PTPRN2: variants seen among roughly 807,000 people sequenced by gnomAD.
PTPRN2 encodes the protein receptor-type tyrosine-protein phosphatase N2.
A neutral mutation model predicts 118.8 loss-of-function variants in PTPRN2; 74 were observed. That is an observed-to-expected ratio of 0.62 (90% confidence interval 0.52 to 0.76). The LOEUF is 0.76. PTPRN2 is among the 30% of genes least tolerant of loss of function. PTPRN2 has a pLI of 0.00. For synonymous variants in PTPRN2, 641 were observed against 608.0 expected, an observed-to-expected ratio of 1.05 and a Z score of -0.80; for missense variants, 1,481 against 1,394.4, an observed-to-expected ratio of 1.06 and a Z score of -0.99.
chr7:158,120,159 A>G (rs1169784550), intron 9 of PTPRN2, among the ~76,000 whole-genome samples: 4 of 152,178 alleles, frequency 2.6e-5, no homozygotes, highest in Non-Finnish European at 5.9e-5. Flanking sequence ...AAATTCAGAG[A>G]GACACAGAGT....
At position 158,081,291 on chromosome 7, in the gene PTPRN2, G is replaced by GCCTCACCTGTGGCCTTCTCCACAT. The variant is rs777798882; in HGVS notation, c.1706_1723+6dup. On this transcript the variant is annotated splice_region_variant and intron_variant, in intron 11 of 22. Transcript: ENST00000389418. ...GTGCGTGTACGTGTGTGTGGAAACAGCCTCACCTGTGGCCTTCTCCACATC... is the reference window on the plus strand; with the variant it reads ...GTGCGTGTACGTGTGTGTGGAAACAGCCTCACCTGTGGCCTTCTCCACATCCTCACCTGTGGCCTTCTCCACATC... 2.3e-5 allele frequency: 37 copies of GCCTCACCTGTGGCCTTCTCCACAT among 1,612,658 alleles called. No individual in the cohort carries two copies. The highest frequency in any genetic ancestry group is 3.4e-6 in the Non-Finnish European group (4 of 1,178,866).
rs1213755416 is a variant in PTPRN2 at position 157,778,848 on chromosome 7, A to G, written c.1789-95911T>C. Among the ~76,000 whole-genome samples, 7 of 152,354 alleles carry G rather than the reference A, an allele frequency of 4.6e-5. No homozygotes were observed. The South Asian group carries it at 6.2e-4, about 14-fold the overall frequency. ...CCCACATAAACATGTCCACGTGAAT[A>G]CAGGCGCTGAATGCCCACATATGCA... On this transcript the variant is annotated intron_variant, in intron 12 of 22. Coordinates refer to ENST00000389418, the MANE Select transcript of PTPRN2 (RefSeq NM_002847.5).
At chr7:157,782,707 T>A (rs1803757471) in intron 12 of PTPRN2, among the ~76,000 whole-genome samples, 1 of 152,228 alleles carries the variant, frequency 6.6e-6, no homozygotes, top group African/African-American at 2.4e-5. Context: ...CAAGAGATGA[T>A]CACACAGCAT....
At chr7:157,689,236 G>A (rs1231546903) in intron 12 of PTPRN2, among the ~76,000 whole-genome samples, 2 of 152,222 alleles carry the variant, frequency 1.3e-5, no homozygotes, top group Non-Finnish European at 2.9e-5. Context: ...TTGTTCGATC[G>A]CGTCCTAAAA....
Position 158,563,209 on chromosome 7 carries a change from T to G in PTPRN2, c.112+24349A>C, listed in dbSNP as rs937085035. 6.6e-6 allele frequency among the ~76,000 whole-genome samples: 1 copy of G among 152,058 alleles called. No homozygotes were observed. The highest frequency in any genetic ancestry group is 2.4e-5 in the African/African-American group (1 of 41,398). ...CCTTCTCCCAAGGCAGGACCACAAG[T>G]TTGCAGCTCGAGACCTTGTCCAGGG... On this transcript the variant is annotated intron_variant, in intron 1 of 22. Transcript: ENST00000389418. This position sits in a 1 kb window ranked among gnomAD's most constrained non-coding sequence, Gnocchi z 5.1.
At chr7:158,458,752 C>A (rs566196246) in intron 2 of PTPRN2, among the ~76,000 whole-genome samples, 15 of 152,334 alleles carry the variant, frequency 9.8e-5, no homozygotes, top group South Asian at 2.1e-4. Context: ...TAACACCAGG[C>A]TGGGCGGGCT....
At chr7:157,814,473 G>A (rs1806262286) in intron 12 of PTPRN2, among the ~76,000 whole-genome samples, 1 of 150,466 alleles carries the variant, frequency 6.6e-6, no homozygotes, top group African/African-American at 2.5e-5. Flanking sequence ...GACAGGAGGG[G>A]GCAGGACAGG....
chr7:158,045,369 C>T (rs944540373), intron 11 of PTPRN2, among the ~76,000 whole-genome samples: 1 of 152,160 alleles, frequency 6.6e-6, no homozygotes, highest in Non-Finnish European at 1.5e-5. Context: ...TCTAATTTTT[C>T]ACTTCTCCAT....
At chr7:157,553,071 T>C (rs74657811) in intron 21 of PTPRN2, among the ~76,000 whole-genome samples, 3,766 of 152,312 alleles carry the variant, frequency 0.025, 106 homozygotes, top group East Asian at 0.14. Context: ...CTCAGCTTTC[T>C]GTCTCAGGAG....
chr7:158,342,915 C>G (rs111635810), intron 2 of PTPRN2, among the ~76,000 whole-genome samples: 2 of 152,178 alleles, frequency 1.3e-5, no homozygotes, highest in South Asian at 4.2e-4. Flanking sequence ...GCTTCAAAAG[C>G]GAAGGAGAAC....
chr7:157,580,164 T>G (rs1800269456), intron 17 of PTPRN2, among the ~76,000 whole-genome samples: 1 of 152,168 alleles, frequency 6.6e-6, no homozygotes, highest in Non-Finnish European at 1.5e-5. Flanking sequence ...CTGGCACCTG[T>G]GAATGTGACC....
At chr7:158,167,403 C>G (rs558597134) in intron 5 of PTPRN2, 112 bp from the exon 6 acceptor site, 28 of 1,349,288 alleles carry the variant, frequency 2.1e-5, no homozygotes, top group Non-Finnish European at 2.8e-5. Context: ...CCTGGGGGTA[C>G]AAAGATGCCC....
chr7:158,325,587 A>G (rs1803435633), intron 2 of PTPRN2, among the ~76,000 whole-genome samples: 1 of 152,250 alleles, frequency 6.6e-6, no homozygotes, highest in African/African-American at 2.4e-5. Context: ...AGCTGCCTGG[A>G]AACTATCAGA....
intron 9 of PTPRN2, among the ~76,000 whole-genome samples, chr7:158,127,274 G>A (rs182786771): frequency 2.7e-4 from 41 of 151,120 alleles, no homozygotes; most frequent in African/African-American, 7.4e-4. Context: ...CTGCTCATCC[G>A]TGCACCTGTG....
At chr7:158,245,676 T>C (rs1295124416) in intron 3 of PTPRN2, among the ~76,000 whole-genome samples, 1 of 152,106 alleles carries the variant, frequency 6.6e-6, no homozygotes, top group Non-Finnish European at 1.5e-5. Context: ...TTCGCATGGA[T>C]GGGAGCTGCC....
At chr7:157,988,935 T>C (rs547515472) in intron 11 of PTPRN2, among the ~76,000 whole-genome samples, 1 of 152,330 alleles carries the variant, frequency 6.6e-6, no homozygotes, top group Admixed American at 6.5e-5. Flanking sequence ...ACCCTCTGTG[T>C]CCTCATATGC....
intron 2 of PTPRN2, among the ~76,000 whole-genome samples, chr7:158,404,147 C>T (rs936579217): frequency 1.3e-5 from 2 of 152,172 alleles, no homozygotes; most frequent in Non-Finnish European, 2.9e-5. Context: ...TTACAAACAT[C>T]GCTTAATCAG....
intron 9 of PTPRN2, among the ~76,000 whole-genome samples, chr7:158,131,156 C>A (rs200196834): frequency 1.9e-5 from 1 of 51,812 alleles, no homozygotes; most frequent in African/African-American, 1.5e-4. Flanking sequence ...ACACAAATAC[C>A]CGAAGATGCA....
intron 3 of PTPRN2, among the ~76,000 whole-genome samples, chr7:158,209,075 G>C (rs989745504): frequency 3.3e-5 from 5 of 149,568 alleles, no homozygotes; most frequent in African/African-American, 1.2e-4. Context: ...TAAAAAGCTA[G>C]AAATTAAAAC....
Sources: gnomAD v4.1 joint callset for allele counts (sites outside exome capture counted in the v4.1 genomes callset) on GRCh38, gnomAD v4.1.1 for gene constraint, Gnocchi (gnomAD v3.1) non-coding constraint, MANE v1.5 for transcripts, NCBI Gene and HGNC (gene_info 2026-07-23, HGNC 2026-07-21) for gene names.